PMFBP1: variants seen among roughly 807,000 people sequenced by gnomAD.
PMFBP1 encodes polyamine-modulated factor 1-binding protein 1.
Under a neutral mutation model 137.8 loss-of-function variants are expected in PMFBP1, and 131 were observed. That is an observed-to-expected ratio of 0.95 (90% confidence interval 0.82 to 1.10). The LOEUF is 1.10. PMFBP1 is among the 50% of genes least tolerant of loss of function. PMFBP1 has a pLI of 0.00. For synonymous variants in PMFBP1, 490 were observed against 450.4 expected (o/e 1.09, Z -1.11); for missense variants, 1,199 against 1,175.4 (o/e 1.02, Z -0.29).
At chr16:72,139,549 A>G in intron 6 of PMFBP1, 150 bp from the exon 7 acceptor site, 1 of 679,914 alleles carries the variant, frequency 1.5e-6, no homozygotes, top group Non-Finnish European at 2.6e-6. Context: ...AGGTAGGGAG[A>G]AGGAATTAAG....
chr16:72,192,262 T>C, the PMFBP1 span, among the ~76,000 whole-genome samples: 1 of 152,250 alleles, frequency 6.6e-6, no homozygotes, highest in African/African-American at 2.4e-5. Context: ...CAGAATTCCC[T>C]AACAGTTTAA....
intron 12 of PMFBP1, among the ~76,000 whole-genome samples, chr16:72,129,493 C>G (rs1411230644): frequency 6.6e-6 from 1 of 152,142 alleles, no homozygotes; most frequent in Non-Finnish European, 1.5e-5. Flanking sequence ...CAATTCTTCC[C>G]AAAGATTAGG....
At chr16:72,213,174 T>C in the PMFBP1 span, among the ~76,000 whole-genome samples, 53 of 134,866 alleles carry the variant, frequency 3.9e-4, no homozygotes, top group Non-Finnish European at 7.8e-5. Context: ...AGAGATTAAC[T>C]GGTCCAGATT....
intron 14 of PMFBP1, 98 bp from the exon 15 acceptor site, chr16:72,126,230 TGTCTGCAGCAACCTGCAGA>T (rs1207893569): frequency 5.9e-6 from 8 of 1,355,304 alleles, no homozygotes; most frequent in Admixed American, 2.1e-5. Flanking sequence ...AGCTCTCTCC[TGTCTGCAGCAACCTGCAGA>T]GTCCGTGTTA....
chr16:72,129,167 C>T lies in PMFBP1; in HGVS notation c.1849G>A (p.Glu617Lys). 1.9e-6 allele frequency: 3 copies of T among 1,614,186 alleles called. No individual in the cohort carries two copies. Among genetic ancestry groups the T allele is most frequent in the Non-Finnish European group, 2.5e-6 (3 of 1,180,052 alleles). The change falls in exon 13 of 21, where the codon GAG becomes AAG. Residue 617 changes from glutamate (E) to lysine (K), a missense_variant. By Grantham distance (56) the Glu-to-Lys change is moderately conservative (BLOSUM62 1). Transcript: ENST00000237353. ...TTCTTCAACTGCTCCCGTTTGTCCT[C>T]CAGAAGCTTTGTGGCCTCCTGAAGA... ...EDLQEATKLL[E>K]DKREQLKKSK...
chr16:72,207,659 G>A, the PMFBP1 span, among the ~76,000 whole-genome samples: 1 of 151,766 alleles, frequency 6.6e-6, no homozygotes, highest in African/African-American at 2.4e-5. Context: ...AACCACTGGT[G>A]ACATTTGAGA....
the PMFBP1 span, among the ~76,000 whole-genome samples, chr16:72,205,932 T>A: frequency 4.6e-5 from 7 of 152,080 alleles, no homozygotes; most frequent in African/African-American, 1.7e-4. Flanking sequence ...TCACCGTCTA[T>A]GAAAGTGGAA....
the PMFBP1 span, among the ~76,000 whole-genome samples, chr16:72,243,880 G>A: frequency 6.6e-6 from 1 of 152,206 alleles, no homozygotes; most frequent in Non-Finnish European, 1.5e-5. Flanking sequence ...ATAGATTCCT[G>A]AAAGAGGGAC....
At chr16:72,148,051 A>G (rs185078308) in intron 5 of PMFBP1, among the ~76,000 whole-genome samples, 3 of 152,260 alleles carry the variant, frequency 2.0e-5, no homozygotes, top group African/African-American at 4.8e-5. Flanking sequence ...AAGTAATTCT[A>G]TTATAAAGAC....
chr16:72,128,550 C>G (rs1235092156), intron 14 of PMFBP1, 107 bp downstream of exon 14: 1 of 1,600,700 alleles, frequency 6.2e-7, no homozygotes, highest in Admixed American at 1.7e-5. Flanking sequence ...CCGCAGTTGG[C>G]TGAGCAGTTA....
At chr16:72,154,557 C>A in intron 3 of PMFBP1, 98 bp from the exon 4 acceptor site, 1 of 1,320,606 alleles carries the variant, frequency 7.6e-7, no homozygotes, top group Non-Finnish European at 1.0e-6. Flanking sequence ...CATTCACATC[C>A]ATCTATCCAT....
At chr16:72,120,194 GC>G in intron 19 of PMFBP1, 105 bp from the exon 20 acceptor site, 1 of 1,558,698 alleles carries the variant, frequency 6.4e-7, no homozygotes, top group Non-Finnish European at 8.7e-7. Context: ...CAGCACAGAT[GC>G]CCAGGTCTGT....
rs972889891 is a variant in PMFBP1 at position 72,129,374 on chromosome 16, G to T, written c.1783-141C>A. 7.3e-6 allele frequency: 7 copies of T among 959,050 alleles called. No individual in the cohort carries two copies. The Admixed American group carries it at 1.2e-4, about 16-fold the overall frequency. 59.4% of individuals were successfully genotyped at this position (959,050 alleles called of 1,614,324 possible). On this transcript the variant is annotated intron_variant, in intron 12 of 20. Transcript: ENST00000237353. ...GTTATATAGCATATGTAAAATAAAA[G>T]GTTTCCTCCAACGCCTGTAACATTT...
At chr16:72,231,890 CA>C in the PMFBP1 span, among the ~76,000 whole-genome samples, 1 of 99,410 alleles carries the variant, frequency 1.0e-5, no homozygotes, top group African/African-American at 3.4e-5. Flanking sequence ...ATTTTCCTCA[CA>C]AAGATATACT....
chr16:72,146,402 A>G (rs186848968), intron 5 of PMFBP1, among the ~76,000 whole-genome samples: 69 of 152,254 alleles, frequency 4.5e-4, no homozygotes, highest in Admixed American at 1.0e-3. Context: ...TTTATGACAA[A>G]CCCATAGCCA....
intron 7 of PMFBP1, 107 bp from the exon 8 acceptor site, chr16:72,136,926 G>GCCATTACTCTGCT: frequency 6.8e-7 from 1 of 1,472,886 alleles, no homozygotes; most frequent in Non-Finnish European, 9.2e-7. Context: ...CAAAGTAGCA[G>GCCATTACTCTGCT]AGTAATGGCT....
chr16:72,118,764 G>GAT (rs151013978), downstream of PMFBP1, among the ~76,000 whole-genome samples: 3 of 99,524 alleles, frequency 3.0e-5, no homozygotes, highest in Non-Finnish European at 6.7e-5. Context: ...GGTGGTGGGC[G>GAT]GGGGGGCAGG....
chr16:72,241,928 A>C, the PMFBP1 span, among the ~76,000 whole-genome samples: 1 of 152,144 alleles, frequency 6.6e-6, no homozygotes, highest in Non-Finnish European at 1.5e-5. Context: ...AGTTATTTTT[A>C]ATTTATAATT....
At chr16:72,135,516 C>T (rs148396642) in intron 9 of PMFBP1, among the ~76,000 whole-genome samples, 383 of 151,882 alleles carry the variant, frequency 2.5e-3, no homozygotes, top group African/African-American at 5.5e-3. Context: ...CGCACCCGGC[C>T]GTCAGCTGGA....
Sources: gnomAD v4.1 joint callset for allele counts (sites outside exome capture counted in the v4.1 genomes callset) on GRCh38, gnomAD v4.1.1 for gene constraint, MANE v1.5 for transcripts, NCBI Gene and HGNC (gene_info 2026-07-23, HGNC 2026-07-21) for gene names.